Variants in ARK2C observed in about 807,000 individuals in gnomAD.
The protein encoded by ARK2C is E3 ubiquitin-protein ligase ARK2C.
At chr18:46,403,477 T>G in the ARK2C span, among the ~76,000 whole-genome samples, 1 of 152,228 alleles carries the variant, frequency 6.6e-6, no homozygotes, top group South Asian at 2.1e-4. Flanking sequence ...ACTACATTTA[T>G]TATTTCTATC....
chr18:46,356,605 C>G, the ARK2C span, among the ~76,000 whole-genome samples: 4 of 152,160 alleles, frequency 2.6e-5, no homozygotes, highest in African/African-American at 9.6e-5. Context: ...ACTACTCACT[C>G]TGAACACACA....
At chr18:46,342,072 G>T in the ARK2C span, among the ~76,000 whole-genome samples, 1 of 152,086 alleles carries the variant, frequency 6.6e-6, no homozygotes, top group African/African-American at 2.4e-5. Context: ...GGGTTTTTTC[G>T]CAATTCAAAG....
At chr18:46,449,208 T>C in the ARK2C span, among the ~76,000 whole-genome samples, 1 of 152,162 alleles carries the variant, frequency 6.6e-6, no homozygotes, top group Admixed American at 6.5e-5. Flanking sequence ...AGTGAGCAAG[T>C]AGAGGAGCTG....
At chr18:46,389,059 A>C in the ARK2C span, among the ~76,000 whole-genome samples, 4 of 152,160 alleles carry the variant, frequency 2.6e-5, no homozygotes, top group African/African-American at 9.7e-5. Flanking sequence ...ACAGATTGGG[A>C]ACAACTATTG....
At chr18:46,366,813 A>G in the ARK2C span, among the ~76,000 whole-genome samples, 23 of 152,302 alleles carry the variant, frequency 1.5e-4, no homozygotes, top group Admixed American at 1.0e-3. Flanking sequence ...GTACGTGTGG[A>G]CTACCTGCCA....
At chr18:46,335,073 T>C in the ARK2C span, 1 of 152,420 alleles carries the variant, frequency 6.6e-6, no homozygotes, top group Non-Finnish European at 1.5e-5. Context: ...TGTGTCTGTA[T>C]GTGTGTGTGC....
At chr18:46,343,586 C>T in the ARK2C span, among the ~76,000 whole-genome samples, 4 of 152,208 alleles carry the variant, frequency 2.6e-5, no homozygotes, top group African/African-American at 9.6e-5. Context: ...CAGTAACTAC[C>T]CGTGTGAGGT....
chr18:46,363,129 A>C, the ARK2C span, among the ~76,000 whole-genome samples: 1 of 152,242 alleles, frequency 6.6e-6, no homozygotes, highest in Non-Finnish European at 1.5e-5. Context: ...GTGCTCAATA[A>C]GTACTTGTAG....
the ARK2C span, among the ~76,000 whole-genome samples, chr18:46,343,534 T>C: frequency 6.6e-6 from 1 of 152,188 alleles, no homozygotes; most frequent in Non-Finnish European, 1.5e-5. Context: ...AGACAGGCCA[T>C]GTGGGACAGT....
chr18:46,356,788 C>T, the ARK2C span, among the ~76,000 whole-genome samples: 1,249 of 152,292 alleles, frequency 8.2e-3, 6 homozygotes, highest in Non-Finnish European at 0.013. Context: ...CTCTTCTCCC[C>T]GCAGCTTCCT....
the ARK2C span, among the ~76,000 whole-genome samples, chr18:46,350,591 G>A: frequency 6.6e-6 from 1 of 152,190 alleles, no homozygotes; most frequent in Admixed American, 6.5e-5. Context: ...GGAGGAAGAA[G>A]CAGCAGGGCC....
the ARK2C span, chr18:46,433,626 C>T: frequency 1.3e-5 from 11 of 855,726 alleles, no homozygotes; most frequent in Admixed American, 3.2e-4. Flanking sequence ...GGGGGCGGGG[C>T]TACAGGCTCC....
the ARK2C span, among the ~76,000 whole-genome samples, chr18:46,360,105 A>G: frequency 6.6e-6 from 1 of 152,212 alleles, no homozygotes; most frequent in Non-Finnish European, 1.5e-5. Flanking sequence ...CCTGAGACGC[A>G]TCACAAGTCC....
chr18:46,406,369 C>T, the ARK2C span, among the ~76,000 whole-genome samples: 1 of 152,338 alleles, frequency 6.6e-6, no homozygotes, highest in African/African-American at 2.4e-5. Flanking sequence ...CTGCCATTGC[C>T]CTGTGGGTGC....
the ARK2C span, among the ~76,000 whole-genome samples, chr18:46,441,616 C>T: frequency 6.6e-5 from 10 of 152,244 alleles, no homozygotes; most frequent in South Asian, 1.7e-3. Context: ...AGGCCAGGCG[C>T]GGTGGCTCAT....
chr18:46,436,672 T>C, the ARK2C span, among the ~76,000 whole-genome samples: 1 of 152,190 alleles, frequency 6.6e-6, no homozygotes, highest in Non-Finnish European at 1.5e-5. Context: ...GGCTTTCACA[T>C]GTTCCATTTT....
chr18:46,443,995 A>G, the ARK2C span, among the ~76,000 whole-genome samples: 1 of 152,082 alleles, frequency 6.6e-6, no homozygotes, highest in South Asian at 2.1e-4. Context: ...TCATTTAAAA[A>G]TATATTTTTT....
the ARK2C span, among the ~76,000 whole-genome samples, chr18:46,340,565 A>G: frequency 6.6e-6 from 1 of 152,190 alleles, no homozygotes; most frequent in Non-Finnish European, 1.5e-5. Flanking sequence ...CTGGGCCAAA[A>G]TGTCCACACG....
the ARK2C span, among the ~76,000 whole-genome samples, chr18:46,359,400 C>T: frequency 9.2e-5 from 14 of 152,136 alleles, no homozygotes; most frequent in Non-Finnish European, 2.1e-4. Flanking sequence ...GCCTCCTGAG[C>T]AGGTGGCACA....
Sources: allele counts gnomAD v4.1 joint callset (sites outside exome capture counted in the v4.1 genomes callset), GRCh38; gene constraint gnomAD v4.1.1; transcripts MANE v1.5; gene names NCBI Gene and HGNC (gene_info 2026-07-23, HGNC 2026-07-21).